CSMD1: variants seen among roughly 807,000 people sequenced by gnomAD.
CSMD1 encodes the protein CUB and sushi domain-containing protein 1.
In CSMD1, 213 loss-of-function variants were observed where a neutral mutation model predicts 417.5. The ratio of observed to expected loss-of-function variants is 0.51; its 90% CI spans 0.46 to 0.57. The LOEUF is 0.57. Among genes scored for constraint, CSMD1 ranks in the 20% least tolerant of loss-of-function variants. CSMD1 has a pLI of 0.00. For missense variants in CSMD1, 6,923 were observed against 4,529.7 expected (o/e 1.53, Z -15.17); for synonymous variants, 2,862 against 1,736.8 (o/e 1.65, Z -16.11).
At chr8:3,582,186 G>C (rs1342968743) in intron 9 of CSMD1, among the ~76,000 whole-genome samples, 1 of 152,216 alleles carries the variant, frequency 6.6e-6, no homozygotes, top group Non-Finnish European at 1.5e-5. Flanking sequence ...CGTGTCAACA[G>C]CAAAGAACGA....
rs1802533979 is a variant in CSMD1, at chr8:2,950,235, C to G, written c.10310G>C (p.Gly3437Ala). Residue 3437 changes from glycine (G) to alanine (A), a missense_variant, in exon 67 of 70, where the codon GGT (glycine) becomes GCT (alanine). By Grantham distance (60) the Gly-to-Ala change is moderately conservative (BLOSUM62 0). Coordinates refer to ENST00000635120, the MANE Select transcript of CSMD1 (RefSeq NM_033225.6). ...KFENDNWGLD[G>A]YVSSGLERGG... is the part of the protein sequence containing the mutation. ...AGACCTTACACATGTACTTACATAA[C>G]CATCTAGTCCCCAGTTGTCATTTTC... 1 of 1,586,592 alleles carries G rather than the reference C, an allele frequency of 6.3e-7. No individual in the cohort carries two copies. Among genetic ancestry groups the G allele is most frequent in the Non-Finnish European group, 8.7e-7 (1 of 1,155,056 alleles).
At chr8:3,671,759 C>G (rs1436221184) in intron 7 of CSMD1, among the ~76,000 whole-genome samples, 1 of 151,752 alleles carries the variant, frequency 6.6e-6, no homozygotes, top group South Asian at 2.1e-4. Flanking sequence ...AAACAGGCCC[C>G]TTGCTCAGGT....
chr8:4,216,842 G>T (rs562021111), intron 3 of CSMD1, among the ~76,000 whole-genome samples: 4 of 152,252 alleles, frequency 2.6e-5, no homozygotes, highest in South Asian at 2.1e-4. Flanking sequence ...TGAGGATGGG[G>T]TGTCAGACCC....
intron 3 of CSMD1, among the ~76,000 whole-genome samples, chr8:4,344,997 A>C (rs554229021): frequency 7.8e-4 from 115 of 148,058 alleles, no homozygotes; most frequent in Non-Finnish European, 1.5e-3. Context: ...TGGCTAGCCA[A>C]TGTTTCATTC....
At chr8:4,146,902 C>T (rs1190220478) in intron 3 of CSMD1, among the ~76,000 whole-genome samples, 3 of 151,502 alleles carry the variant, frequency 2.0e-5, no homozygotes, top group Non-Finnish European at 2.9e-5. Flanking sequence ...TGTGAGCCAC[C>T]GCACCGGCCA....
chr8:4,105,148 C>G (rs183801457), intron 3 of CSMD1, among the ~76,000 whole-genome samples: 2 of 152,238 alleles, frequency 1.3e-5, no homozygotes, highest in Admixed American at 1.3e-4. Context: ...TAATAACGTA[C>G]AACTGAAAAT....
At chr8:4,631,066 T>A (rs1168572714) in intron 2 of CSMD1, among the ~76,000 whole-genome samples, 1 of 152,238 alleles carries the variant, frequency 6.6e-6, no homozygotes, top group African/African-American at 2.4e-5. Flanking sequence ...CTAGCCAAGC[T>A]AAAAATAAAA....
At chr8:4,970,168 C>T (rs2117377411) in intron 1 of CSMD1, among the ~76,000 whole-genome samples, 1 of 152,134 alleles carries the variant, frequency 6.6e-6, no homozygotes, top group East Asian at 1.9e-4. Flanking sequence ...ATTGGAGGTA[C>T]ACAGTGTAGA....
intron 3 of CSMD1, among the ~76,000 whole-genome samples, chr8:4,098,843 A>T (rs1224253918): frequency 6.6e-6 from 1 of 152,196 alleles, no homozygotes; most frequent in African/African-American, 2.4e-5. Flanking sequence ...GCTATGCCAT[A>T]AATCTTGCTC....
At chr8:4,947,130 ATAAATT>A (rs2117265096) in intron 1 of CSMD1, among the ~76,000 whole-genome samples, 1 of 152,314 alleles carries the variant, frequency 6.6e-6, no homozygotes, top group South Asian at 2.1e-4. Flanking sequence ...CCATCTGTGC[ATAAATT>A]TATATTTAAC....
At chr8:4,624,267 G>C (rs188802351) in intron 2 of CSMD1, among the ~76,000 whole-genome samples, 4 of 152,218 alleles carry the variant, frequency 2.6e-5, no homozygotes, top group African/African-American at 9.6e-5. Flanking sequence ...CCATACCATT[G>C]CAACACAAGC....
At chr8:3,730,454 G>A (rs537093407) in intron 6 of CSMD1, among the ~76,000 whole-genome samples, 2 of 148,716 alleles carry the variant, frequency 1.3e-5, no homozygotes, top group Admixed American at 1.4e-4. Flanking sequence ...AAAGACTGCT[G>A]TCTAAGAAGG....
intron 26 of CSMD1, among the ~76,000 whole-genome samples, chr8:3,260,193 G>A (rs919155172): frequency 1.3e-5 from 2 of 152,010 alleles, no homozygotes; most frequent in Non-Finnish European, 2.9e-5. Flanking sequence ...TTTATTATCT[G>A]CTTCCTCACC....
chr8:3,167,324 T>A (rs181564342), intron 37 of CSMD1, among the ~76,000 whole-genome samples: 3 of 146,288 alleles, frequency 2.1e-5, no homozygotes, highest in Admixed American at 6.8e-5. Context: ...GTTCACAAAC[T>A]ATTAGGTTGG....
At chr8:4,299,496 T>C (rs75203494) in intron 3 of CSMD1, among the ~76,000 whole-genome samples, 2 of 152,352 alleles carry the variant, frequency 1.3e-5, no homozygotes, top group Non-Finnish European at 2.9e-5. Context: ...ATAGCCATCA[T>C]GTGGTAGACA....
chr8:3,148,083 C>G (rs1446059606), intron 40 of CSMD1, among the ~76,000 whole-genome samples: 1 of 152,048 alleles, frequency 6.6e-6, no homozygotes, highest in East Asian at 1.9e-4. Context: ...AATAGGGGAC[C>G]CTTTTCTGAG....
chr8:4,568,191 C>G (rs910088679), intron 2 of CSMD1, among the ~76,000 whole-genome samples: 1 of 152,004 alleles, frequency 6.6e-6, no homozygotes, highest in Non-Finnish European at 1.5e-5. Flanking sequence ...CAGAAAGTGC[C>G]AGTTTGACAC....
intron 3 of CSMD1, among the ~76,000 whole-genome samples, chr8:4,277,821 C>A (rs1236844112): frequency 6.6e-6 from 1 of 152,122 alleles, no homozygotes. Flanking sequence ...AATCTCGGTT[C>A]ACTGCAAGGT....
intron 5 of CSMD1, among the ~76,000 whole-genome samples, chr8:3,990,488 C>G (rs1269194936): frequency 1.3e-5 from 2 of 152,138 alleles, no homozygotes; most frequent in East Asian, 1.9e-4. Context: ...TGTTACTCCT[C>G]AGTCTGGACA....
Sources: gnomAD v4.1 joint callset for allele counts (sites outside exome capture counted in the v4.1 genomes callset) on GRCh38, gnomAD v4.1.1 for gene constraint, MANE v1.5 for transcripts, NCBI Gene and HGNC (gene_info 2026-07-23, HGNC 2026-07-21) for gene names.